SNTB1: variants seen among roughly 807,000 people sequenced by gnomAD.
The protein encoded by SNTB1 is syntrophin beta 1.
Under a neutral mutation model 48.9 loss-of-function variants are expected in SNTB1, and 36 were observed. That is an observed-to-expected ratio of 0.74 (90% CI 0.56 to 0.97). The LOEUF (loss-of-function observed/expected upper bound fraction) is 0.97, where lower values mean the gene tolerates loss of function less well. SNTB1 is among the 50% of genes least tolerant of loss of function. The pLI is 0.00. For synonymous variants in SNTB1, 299 were observed against 294.6 expected (o/e 1.01, Z -0.15); for missense variants, 786 against 703.4 (o/e 1.12, Z -1.33).
intron 1 of SNTB1, among the ~76,000 whole-genome samples, chr8:120,712,132 G>T (rs1818473738): frequency 6.6e-6 from 1 of 152,142 alleles, no homozygotes; most frequent in Non-Finnish European, 1.5e-5. Flanking sequence ...ATATATGACA[G>T]GCCCGGCGTG....
At chr8:120,617,554 C>A (rs756019411) in intron 3 of SNTB1, among the ~76,000 whole-genome samples, 1 of 152,202 alleles carries the variant, frequency 6.6e-6, no homozygotes, top group Non-Finnish European at 1.5e-5. Context: ...TAGAATAGAA[C>A]ACCTACCTGA....
At chr8:120,689,551 T>A (rs1281316489) in intron 2 of SNTB1, among the ~76,000 whole-genome samples, 2 of 152,210 alleles carry the variant, frequency 1.3e-5, no homozygotes, top group Non-Finnish European at 2.9e-5. Flanking sequence ...TAAATTCACA[T>A]ATAAGGGGTA....
At chr8:120,787,799 C>T (rs1819948071) in intron 1 of SNTB1, among the ~76,000 whole-genome samples, 2 of 152,040 alleles carry the variant, frequency 1.3e-5, no homozygotes, top group South Asian at 4.1e-4. Flanking sequence ...GTTTGGGAAA[C>T]CTATTTGAGG....
intron 1 of SNTB1, among the ~76,000 whole-genome samples, chr8:120,707,017 G>A (rs564941101): frequency 1.3e-5 from 2 of 152,190 alleles, no homozygotes; most frequent in African/African-American, 4.8e-5. Context: ...GGTAGATGGT[G>A]ACGGGTTCTT....
At chr8:120,760,699 C>A (rs1385882764) in intron 1 of SNTB1, among the ~76,000 whole-genome samples, 1 of 151,984 alleles carries the variant, frequency 6.6e-6, no homozygotes, top group Non-Finnish European at 1.5e-5. Context: ...CTCCTTAACA[C>A]GACCTGTCTT....
intron 3 of SNTB1, among the ~76,000 whole-genome samples, chr8:120,600,637 T>C (rs1683607633): frequency 6.6e-6 from 1 of 152,162 alleles, no homozygotes; most frequent in African/African-American, 2.4e-5. Context: ...ATTCCATGTA[T>C]CAATTTGTCA....
intron 1 of SNTB1, among the ~76,000 whole-genome samples, chr8:120,715,334 C>T (rs995536316): frequency 1.3e-5 from 2 of 152,170 alleles, no homozygotes; most frequent in Non-Finnish European, 2.9e-5. Context: ...TGAAGGATAA[C>T]TTGCTTGTAT....
chr8:120,806,150 G>C (rs1401625417), intron 1 of SNTB1, among the ~76,000 whole-genome samples: 1 of 152,154 alleles, frequency 6.6e-6, no homozygotes, highest in Non-Finnish European at 1.5e-5. Flanking sequence ...TCAAGAAGGT[G>C]GGGGGGTCCA....
intron 1 of SNTB1, among the ~76,000 whole-genome samples, chr8:120,783,569 T>G (rs1007622417): frequency 2.0e-5 from 3 of 152,204 alleles, no homozygotes; most frequent in Non-Finnish European, 4.4e-5. Context: ...TCCCTCCTCT[T>G]CCTCCAACTT....
intron 2 of SNTB1, among the ~76,000 whole-genome samples, chr8:120,640,400 A>C (rs961015807): frequency 6.6e-6 from 1 of 152,192 alleles, no homozygotes; most frequent in African/African-American, 2.4e-5. Context: ...CCCTGGCCAG[A>C]AGTTCCAACA....
At chr8:120,808,221 C>A (rs1366182849) in intron 1 of SNTB1, among the ~76,000 whole-genome samples, 5 of 152,120 alleles carry the variant, frequency 3.3e-5, no homozygotes. Flanking sequence ...CACTATGTTA[C>A]TTTATGCAAA....
At chr8:120,559,457 A>C (rs1489364537) in intron 4 of SNTB1, among the ~76,000 whole-genome samples, 4 of 152,244 alleles carry the variant, frequency 2.6e-5, no homozygotes, top group Non-Finnish European at 5.9e-5. Flanking sequence ...AAATTACTTT[A>C]AATGCCCAAT....
chr8:120,744,276 A>T (rs570503783), intron 1 of SNTB1, among the ~76,000 whole-genome samples: 72 of 152,326 alleles, frequency 4.7e-4, no homozygotes, highest in Non-Finnish European at 7.6e-4. Context: ...TACTCTAAAA[A>T]TTAACTAGCA....
At chr8:120,582,911 T>C (rs1031951705) in intron 3 of SNTB1, among the ~76,000 whole-genome samples, 4 of 152,046 alleles carry the variant, frequency 2.6e-5, no homozygotes, top group African/African-American at 9.7e-5. Context: ...TCTGCACATG[T>C]ATCCCAGAAT....
At chr8:120,624,029 C>T (rs147305884) in intron 3 of SNTB1, among the ~76,000 whole-genome samples, 3,048 of 152,206 alleles carry the variant, frequency 0.02, 96 homozygotes, top group African/African-American at 0.07. Context: ...CCTCTGCCTC[C>T]GGGGTTGAAG....
At chr8:120,657,625 C>T (rs1231967309) in intron 2 of SNTB1, among the ~76,000 whole-genome samples, 1 of 152,144 alleles carries the variant, frequency 6.6e-6, no homozygotes, top group Non-Finnish European at 1.5e-5. Context: ...GGATTGAGTC[C>T]TGGATTTTTT....
chr8:120,564,069 T>C (rs991267940), intron 4 of SNTB1, among the ~76,000 whole-genome samples: 1 of 151,566 alleles, frequency 6.6e-6, no homozygotes, highest in African/African-American at 2.4e-5. Context: ...TATTATGCCA[T>C]TGCACTCCAA....
intron 3 of SNTB1, among the ~76,000 whole-genome samples, chr8:120,590,668 TTGTTTTCTTTTCTTTTC>T (rs1482953853): frequency 6.9e-6 from 1 of 145,206 alleles, no homozygotes; most frequent in African/African-American, 2.7e-5. Flanking sequence ...TTTCTTTCTT[TTGTTTTCTTTTCTTTTC>T]TTTTTTTTTT....
chr8:120,782,933 A>G (rs1254712149), intron 1 of SNTB1, among the ~76,000 whole-genome samples: 1 of 152,218 alleles, frequency 6.6e-6, no homozygotes, highest in African/African-American at 2.4e-5. Context: ...TCAACTCTTC[A>G]TGCACTGGTC....
Sources: allele counts gnomAD v4.1 joint callset (sites outside exome capture counted in the v4.1 genomes callset), GRCh38; gene constraint gnomAD v4.1.1; transcripts MANE v1.5; gene names NCBI Gene and HGNC (gene_info 2026-07-23, HGNC 2026-07-21).